The following UST variants were observed in gnomAD, a reference collection of about 807,000 sequenced individuals.
The protein encoded by UST is uronyl 2-sulfotransferase.
In UST, 21 loss-of-function variants were observed where a neutral mutation model predicts 45.6. That is an observed-to-expected ratio of 0.46 (90% CI 0.33 to 0.66). The LOEUF is 0.66. Among genes scored for constraint, UST ranks in the 30% least tolerant of loss-of-function variants. The probability of loss-of-function intolerance (pLI) is 0.02; values close to 1 mark genes in which losing one functional copy is unlikely to be tolerated. For synonymous variants in UST, 215 were observed against 200.6 expected (o/e 1.07, Z -0.61); for missense variants, 463 against 512.4 (o/e 0.90, Z 0.93).
intron 6 of UST, among the ~76,000 whole-genome samples, chr6:149,020,003 T>A (rs1219450396): frequency 6.6e-6 from 1 of 152,278 alleles, no homozygotes; most frequent in East Asian, 1.9e-4. Flanking sequence ...AGCATTATAT[T>A]TGCTTGGTAG....
intron 1 of UST, among the ~76,000 whole-genome samples, chr6:148,802,245 G>C (rs1295040217): frequency 6.6e-6 from 1 of 152,090 alleles, no homozygotes; most frequent in Non-Finnish European, 1.5e-5. Flanking sequence ...GCTAACCTAA[G>C]GCATCATCAC....
intron 1 of UST, among the ~76,000 whole-genome samples, chr6:148,774,704 A>G (rs1776497159): frequency 6.6e-6 from 1 of 152,168 alleles, no homozygotes; most frequent in African/African-American, 2.4e-5. Flanking sequence ...TTTTTAGAGG[A>G]TTTGTGAATT....
intron 5 of UST, among the ~76,000 whole-genome samples, chr6:149,016,829 A>C (rs1178205607): frequency 6.6e-6 from 1 of 152,048 alleles, no homozygotes; most frequent in Non-Finnish European, 1.5e-5. Context: ...GGCCAGAATC[A>C]CCCTAGGCTC....
chr6:148,799,615 G>A (rs1001996243), intron 1 of UST, among the ~76,000 whole-genome samples: 3 of 151,894 alleles, frequency 2.0e-5, no homozygotes, highest in African/African-American at 7.3e-5. Flanking sequence ...CTGCACTTAG[G>A]TCCCCATCAC....
intron 1 of UST, among the ~76,000 whole-genome samples, chr6:148,871,117 C>CTTCTCTCTCT (rs1778543531): frequency 1.0e-5 from 1 of 97,586 alleles, no homozygotes; most frequent in African/African-American, 4.6e-5. Flanking sequence ...GCATTCTCTC[C>CTTCTCTCTCT]CTCTCTCTCT....
At chr6:148,853,376 G>A (rs538116562) in intron 1 of UST, among the ~76,000 whole-genome samples, 120 of 152,234 alleles carry the variant, frequency 7.9e-4, no homozygotes, top group Admixed American at 7.9e-3. Context: ...GGGCATTTGG[G>A]TTGATTCCAT....
chr6:149,069,502 T>A (rs1409293288), intron 7 of UST, among the ~76,000 whole-genome samples: 1 of 152,092 alleles, frequency 6.6e-6, no homozygotes, highest in Non-Finnish European at 1.5e-5. Flanking sequence ...GCATGTTGAG[T>A]TTTTTCATAT....
intron 5 of UST, among the ~76,000 whole-genome samples, chr6:148,993,956 C>CTTT (rs57552256): frequency 0.026 from 2,441 of 95,302 alleles, 322 homozygotes; most frequent in African/African-American, 0.08. Context: ...TATTTCTTTC[C>CTTT]TTTTTTTTTT....
In UST at chr6:149,074,050, C is replaced by G; in HGVS notation, c.1155C>G (p.Thr385=). Residue 385 remains threonine (T), a synonymous_variant, in exon 8 of 8, where the codon ACC becomes ACG. Coordinates refer to ENST00000367463, the MANE Select transcript of UST (RefSeq NM_005715.3). ...TCTTTATCCCAACTCCACTGGAAACCGAGGAGCCAATCGACGATGAAGAAC... is the reference window on the plus strand; with the variant it reads ...TCTTTATCCCAACTCCACTGGAAACGGAGGAGCCAATCGACGATGAAGAAC... ...PHFFIPTPLE[T]EEPIDDEEQD... The G allele has an allele frequency of 6.2e-7, 1 of 1,614,176 alleles. No homozygotes were observed. Among genetic ancestry groups the G allele is most frequent in the Middle Eastern group, 1.6e-4 (1 of 6,062 alleles).
chr6:148,986,291 C>T (rs911386069), intron 5 of UST, among the ~76,000 whole-genome samples: 1 of 152,160 alleles, frequency 6.6e-6, no homozygotes, highest in Non-Finnish European at 1.5e-5. Context: ...TTAATTCTTA[C>T]AGCATCCCCC....
chr6:148,978,548 C>T (rs1371942345), intron 5 of UST, among the ~76,000 whole-genome samples: 1 of 152,130 alleles, frequency 6.6e-6, no homozygotes, highest in Non-Finnish European at 1.5e-5. Context: ...TGGAAACCAT[C>T]ATCCTCAGCA....
intron 1 of UST, among the ~76,000 whole-genome samples, chr6:148,886,699 A>G (rs138146563): frequency 6.6e-6 from 1 of 152,194 alleles, no homozygotes; most frequent in Non-Finnish European, 1.5e-5. Flanking sequence ...AGCTAAACTC[A>G]GCAGATAATG....
intron 1 of UST, among the ~76,000 whole-genome samples, chr6:148,877,952 G>A (rs1365934600): frequency 1.9e-5 from 2 of 106,622 alleles, no homozygotes; most frequent in East Asian, 3.4e-4. Context: ...GTATGAGTGC[G>A]GGGGTCGTGT....
chr6:149,073,687 A>G, intron 7 of UST, 146 bp from the exon 8 acceptor site: 1 of 920,024 alleles, frequency 1.1e-6, no homozygotes, highest in East Asian at 2.6e-5. Flanking sequence ...AAATATTGTC[A>G]GGAACCCTTC....
chr6:148,920,660 C>G (rs1349447587), intron 2 of UST, among the ~76,000 whole-genome samples: 2 of 152,208 alleles, frequency 1.3e-5, no homozygotes, highest in Non-Finnish European at 2.9e-5. Context: ...TCCTGAGTAG[C>G]TGGGACCACA....
At chr6:149,065,306 A>G (rs1582984204) in intron 7 of UST, among the ~76,000 whole-genome samples, 1 of 152,326 alleles carries the variant, frequency 6.6e-6, no homozygotes, top group East Asian at 1.9e-4. Context: ...TCCATAGTCC[A>G]TGTAGCTTTG....
chr6:148,846,215 A>G (rs1777986191), intron 1 of UST, among the ~76,000 whole-genome samples: 1 of 151,206 alleles, frequency 6.6e-6, no homozygotes, highest in African/African-American at 2.4e-5. Context: ...CAACAATGAT[A>G]GACTGGATTA....
At chr6:148,855,590 AG>A (rs1210856780) in intron 1 of UST, among the ~76,000 whole-genome samples, 1 of 152,242 alleles carries the variant, frequency 6.6e-6, no homozygotes, top group Non-Finnish European at 1.5e-5. Flanking sequence ...TTCCAATCAG[AG>A]TAAAAAAGGA....
chr6:148,877,895 G>C (rs1287339563), intron 1 of UST, among the ~76,000 whole-genome samples: 1 of 120,124 alleles, frequency 8.3e-6, no homozygotes, highest in Non-Finnish European at 1.7e-5. Context: ...TATGAGTTTG[G>C]GGGGTCATGT....
Sources: allele counts gnomAD v4.1 joint callset (sites outside exome capture counted in the v4.1 genomes callset), GRCh38; gene constraint gnomAD v4.1.1; transcripts MANE v1.5; gene names NCBI Gene and HGNC (gene_info 2026-07-23, HGNC 2026-07-21).